BCAS3: variants seen among roughly 807,000 people sequenced by gnomAD.
BCAS3 encodes the protein BCAS3 microtubule associated cell migration factor.
A neutral mutation model predicts 116.1 loss-of-function variants in BCAS3; 53 were observed. The ratio of observed to expected loss-of-function variants is 0.46; its 90% CI spans 0.37 to 0.57. The LOEUF is 0.57. Among genes scored for constraint, BCAS3 ranks in the 20% least tolerant of loss-of-function variants. The probability of loss-of-function intolerance (pLI) is 0.00; values close to 1 mark genes in which losing one functional copy is unlikely to be tolerated. For missense variants in BCAS3, 917 were observed against 1,165.4 expected (o/e 0.79, Z 3.10); for synonymous variants, 391 against 408.2 (o/e 0.96, Z 0.51).
Position 61,293,837 on chromosome 17 carries a change from G to A in BCAS3, c.2426-74490G>A, listed in dbSNP as rs562324564. On this transcript the variant is annotated intron_variant, in intron 22 of 23. Coordinates refer to ENST00000407086, the MANE Select transcript of BCAS3 (RefSeq NM_017679.5). ...GTGCAGTGGCACGATCTCAGCTCAC[G>A]GCAACCTCTGCCTTCCAGGTTCAAG... Among the ~76,000 whole-genome samples the A allele has an allele frequency of 7.9e-5, 12 of 152,242 alleles. No homozygotes were observed. In the East Asian group the frequency reaches 1.5e-3, roughly 20 times the overall value.
intron 22 of BCAS3, among the ~76,000 whole-genome samples, chr17:61,231,043 C>T (rs1011330500): frequency 1.3e-5 from 2 of 150,434 alleles, no homozygotes; most frequent in African/African-American, 4.9e-5. Flanking sequence ...TCAAGCAATC[C>T]TCCTCCCACC....
At position 61,235,035 on chromosome 17, in the gene BCAS3, A is replaced by C. The variant is rs150043692; in HGVS notation, c.2426-133292A>C. ...CCCGAGTAGCTGGGACTATAGGCGCACGCCACCACTCCTGGCTAAGTTTTG... is the reference window on the plus strand; with the variant it reads ...CCCGAGTAGCTGGGACTATAGGCGCCCGCCACCACTCCTGGCTAAGTTTTG... On this transcript the variant is annotated intron_variant, in intron 22 of 23. Coordinates refer to ENST00000407086, the MANE Select transcript of BCAS3 (RefSeq NM_017679.5). This position sits in a 1 kb window ranked among gnomAD's most constrained non-coding sequence, Gnocchi z 5.0. Among the ~76,000 whole-genome samples, 9,688 of 152,076 alleles carry C rather than the reference A, an allele frequency of 0.064. 398 individuals are homozygous for C. The highest frequency in any genetic ancestry group is 0.11 in the Middle Eastern group (31 of 294).
At chr17:60,709,140 C>A (rs2037544369) in intron 4 of BCAS3, 79 bp from the exon 5 acceptor site, 3 of 689,660 alleles carry the variant, frequency 4.3e-6, no homozygotes, top group South Asian at 3.3e-5. Context: ...TTGAATCAGG[C>A]ATTAAAGAAA....
rs72319489 is a variant in BCAS3 at position 60,786,547 on chromosome 17, G to GTATATATA, written c.404-21440_404-21433dup. ...AACATTCCCCACTGCCTGCAAATGT[G>GTATATATA]TATATATATATATATATATATATAA... On this transcript the variant is annotated intron_variant, in intron 6 of 23. Transcript: ENST00000407086. Among the ~76,000 whole-genome samples the GTATATATA allele has an allele frequency of 4.4e-3, 624 of 140,724 alleles. 10 individuals are homozygous for GTATATATA. The East Asian group carries it at 0.059, about 13-fold the overall frequency. The allele number at this position is 140,724 out of a possible 152,430, so 92.3% of individuals were successfully genotyped here. A position where few individuals can be genotyped will look rare whatever the true frequency, so the allele number is the denominator to read the frequency against.
At chr17:60,857,087 A>G (rs1488976350) in intron 7 of BCAS3, among the ~76,000 whole-genome samples, 2 of 152,236 alleles carry the variant, frequency 1.3e-5, no homozygotes, top group Non-Finnish European at 2.9e-5. Flanking sequence ...AATTCACTAT[A>G]AAACAAGTTA....
intron 7 of BCAS3, among the ~76,000 whole-genome samples, chr17:60,845,945 T>C (rs547682499): frequency 6.6e-6 from 1 of 151,922 alleles, no homozygotes; most frequent in Non-Finnish European, 1.5e-5. Context: ...TTTTTTTTTT[T>C]TGAGACTTAG....
chr17:60,926,736 T>C (rs1163890762), intron 13 of BCAS3, among the ~76,000 whole-genome samples: 2 of 152,210 alleles, frequency 1.3e-5, no homozygotes, highest in Non-Finnish European at 2.9e-5. Context: ...CCTACAGTGC[T>C]TCTGACACTG....
chr17:60,791,857 G>T (rs142315060), intron 6 of BCAS3, among the ~76,000 whole-genome samples: 89 of 152,258 alleles, frequency 5.8e-4, no homozygotes, highest in African/African-American at 1.8e-3. Context: ...GGGCGCAGTG[G>T]CTCACGCTTG....
chr17:60,888,675 C>A lies in BCAS3; in HGVS notation c.662-1020C>A, dbSNP rs76476639. Reference sequence around the variant, plus strand: ...TAGATAATAGTAATATTACAGTTAACCTGAAGTCAGTTTTCCGGAAACCCT... The same window carrying A: ...TAGATAATAGTAATATTACAGTTAAACTGAAGTCAGTTTTCCGGAAACCCT... On this transcript the variant is annotated intron_variant, in intron 9 of 23. Coordinates refer to ENST00000407086, the MANE Select transcript of BCAS3 (RefSeq NM_017679.5). 7.8e-3 allele frequency among the ~76,000 whole-genome samples: 1,182 copies of A among 152,100 alleles called. 32 individuals carry two copies. The highest frequency in any genetic ancestry group is 0.076 in the East Asian group (395 of 5,184).
intron 7 of BCAS3, among the ~76,000 whole-genome samples, chr17:60,848,829 A>T (rs1394613729): frequency 6.8e-6 from 1 of 147,468 alleles, no homozygotes; most frequent in African/African-American, 2.6e-5. Flanking sequence ...CCCCTGAAGT[A>T]GCTGGGACTA....
intron 6 of BCAS3, among the ~76,000 whole-genome samples, chr17:60,798,497 A>G (rs2047410385): frequency 6.6e-6 from 1 of 152,208 alleles, no homozygotes; most frequent in Non-Finnish European, 1.5e-5. Context: ...AGCAATATGC[A>G]TTTAACATTC....
At chr17:61,165,742 T>TA (rs971967397) in intron 22 of BCAS3, among the ~76,000 whole-genome samples, 6 of 152,172 alleles carry the variant, frequency 3.9e-5, no homozygotes, top group African/African-American at 1.2e-4. Flanking sequence ...AAAAAAATAC[T>TA]AAAAAAGTTA....
At chr17:60,715,851 A>G (rs1341351882) in intron 5 of BCAS3, among the ~76,000 whole-genome samples, 1 of 151,382 alleles carries the variant, frequency 6.6e-6, no homozygotes, top group African/African-American at 2.4e-5. Flanking sequence ...ATGAACTATG[A>G]AGTTATTTTT....
chr17:61,320,069 T>C (rs571634871), intron 22 of BCAS3, among the ~76,000 whole-genome samples: 23 of 151,886 alleles, frequency 1.5e-4, no homozygotes, highest in African/African-American at 4.6e-4. Flanking sequence ...TTTCTATTTT[T>C]AGTAGAGACA....
intron 15 of BCAS3, among the ~76,000 whole-genome samples, chr17:61,000,345 G>A (rs1170136685): frequency 1.3e-5 from 2 of 151,980 alleles, no homozygotes. Context: ...AAACTTTCTT[G>A]GTGAGGAAAT....
intron 12 of BCAS3, among the ~76,000 whole-genome samples, chr17:60,921,384 C>T (rs2059076713): frequency 6.6e-6 from 1 of 151,986 alleles, no homozygotes; most frequent in Non-Finnish European, 1.5e-5. Flanking sequence ...GAGGCCGAGG[C>T]GGGCGGATCA....
At chr17:60,764,097 A>G (rs1036603593) in intron 6 of BCAS3, among the ~76,000 whole-genome samples, 2 of 150,728 alleles carry the variant, frequency 1.3e-5, no homozygotes, top group Admixed American at 1.3e-4. Flanking sequence ...TTTCTTCTTT[A>G]TTAGTCTTGC....
At chr17:60,749,831 A>G (rs1448165093) in intron 6 of BCAS3, among the ~76,000 whole-genome samples, 1 of 152,210 alleles carries the variant, frequency 6.6e-6, no homozygotes, top group Non-Finnish European at 1.5e-5. Flanking sequence ...ATCAGGACAA[A>G]GTAAGATTTA....
At chr17:60,968,116 GT>G (rs925667363) in intron 14 of BCAS3, among the ~76,000 whole-genome samples, 1 of 151,910 alleles carries the variant, frequency 6.6e-6, no homozygotes. Context: ...ACTTGCTGTT[GT>G]TTTTTTCGTG....
Sources: allele counts gnomAD v4.1 joint callset (sites outside exome capture counted in the v4.1 genomes callset), GRCh38; gene constraint gnomAD v4.1.1; non-coding constraint Gnocchi (gnomAD v3.1); transcripts MANE v1.5; gene names NCBI Gene and HGNC (gene_info 2026-07-23, HGNC 2026-07-21).